SCML4: variants seen among roughly 807,000 people sequenced by gnomAD.
The protein encoded by SCML4 is Scm polycomb group protein like 4.
A neutral mutation model predicts 41.1 loss-of-function variants in SCML4; 34 were observed. The ratio of observed to expected loss-of-function variants is 0.83; its 90% CI spans 0.63 to 1.10. The LOEUF is 1.10. SCML4 is among the 50% of genes least tolerant of loss of function. The probability of loss-of-function intolerance (pLI) is 0.00; values close to 1 mark genes in which losing one functional copy is unlikely to be tolerated. For synonymous variants in SCML4, 214 were observed against 220.9 expected, an observed-to-expected ratio of 0.97 and a Z score of 0.28; for missense variants, 522 against 534.1, an observed-to-expected ratio of 0.98 and a Z score of 0.22.
chr6:107,797,435 C>CT (rs1363978483), intron 1 of SCML4, among the ~76,000 whole-genome samples: 1 of 151,944 alleles, frequency 6.6e-6, no homozygotes, highest in Non-Finnish European at 1.5e-5. Flanking sequence ...TTAATTGTTG[C>CT]TTTTACACGG....
chr6:107,769,320 T>C (rs774080684), intron 2 of SCML4, among the ~76,000 whole-genome samples: 2 of 152,200 alleles, frequency 1.3e-5, no homozygotes, highest in Non-Finnish European at 2.9e-5. Flanking sequence ...CTCTAGAGCA[T>C]TGACACCTGA....
upstream of SCML4, among the ~76,000 whole-genome samples, chr6:107,827,052 G>A (rs932615694): frequency 2.0e-4 from 30 of 150,382 alleles, no homozygotes; most frequent in Non-Finnish European, 4.3e-4. Context: ...GACAGAGCGA[G>A]ACTCCGTCTC....
the SCML4 span, among the ~76,000 whole-genome samples, chr6:107,842,595 G>C: frequency 6.6e-6 from 1 of 152,196 alleles, no homozygotes; most frequent in Non-Finnish European, 1.5e-5. Context: ...GTTTTGCCAT[G>C]CTGGCCTAGG....
At chr6:107,740,863 A>T (rs1777537200) in intron 5 of SCML4, among the ~76,000 whole-genome samples, 1 of 152,216 alleles carries the variant, frequency 6.6e-6, no homozygotes, top group South Asian at 2.1e-4. Context: ...ACTCACAGCA[A>T]GATTCATCAC....
chr6:107,713,521 C>T (rs1456980393), intron 6 of SCML4, among the ~76,000 whole-genome samples: 1 of 152,230 alleles, frequency 6.6e-6, no homozygotes, highest in Non-Finnish European at 1.5e-5. Context: ...GGCTTCCCGT[C>T]CCTCCTGGGC....
At chr6:107,744,848 G>C (rs1428508309) in intron 5 of SCML4, 101 bp downstream of exon 5, 8 of 1,005,834 alleles carry the variant, frequency 8.0e-6, no homozygotes, top group Admixed American at 5.0e-5. Context: ...TCCAGTGGCA[G>C]AACTGCCAGG....
chr6:107,752,793 CG>C (rs1318277763), intron 2 of SCML4, among the ~76,000 whole-genome samples: 1 of 151,690 alleles, frequency 6.6e-6, no homozygotes, highest in Non-Finnish European at 1.5e-5. Flanking sequence ...TAATGGCCAG[CG>C]GGGGTGGGGA....
chr6:107,794,563 G>A (rs1263086060), intron 1 of SCML4, among the ~76,000 whole-genome samples: 1 of 152,016 alleles, frequency 6.6e-6, no homozygotes, highest in Non-Finnish European at 1.5e-5. Flanking sequence ...GTATGTATAT[G>A]TGTGTGTGTC....
At chr6:107,818,640 T>C (rs1275433674) in intron 1 of SCML4, among the ~76,000 whole-genome samples, 1 of 152,194 alleles carries the variant, frequency 6.6e-6, no homozygotes, top group Non-Finnish European at 1.5e-5. Flanking sequence ...CAGAAATGGT[T>C]AGGCCCAAAG....
chr6:107,719,432 TG>T (rs1775152507), intron 6 of SCML4: 1 of 152,356 alleles, frequency 6.6e-6, no homozygotes, highest in Non-Finnish European at 1.5e-5. Flanking sequence ...GGGTCACTGG[TG>T]GAAGGATCCT....
intron 5 of SCML4, among the ~76,000 whole-genome samples, chr6:107,721,796 G>A (rs1775447182): frequency 6.6e-6 from 1 of 152,044 alleles, no homozygotes; most frequent in Non-Finnish European, 1.5e-5. Flanking sequence ...AACACATGAG[G>A]GCAGCCATCC....
intron 1 of SCML4, among the ~76,000 whole-genome samples, chr6:107,799,219 G>A (rs1782926701): frequency 6.6e-6 from 1 of 152,100 alleles, no homozygotes; most frequent in Non-Finnish European, 1.5e-5. Context: ...GTATGTTTTT[G>A]CTACATGTAT....
chr6:107,819,821 G>A (rs528283126), intron 1 of SCML4, among the ~76,000 whole-genome samples: 5 of 152,266 alleles, frequency 3.3e-5, no homozygotes, highest in South Asian at 4.1e-4. Flanking sequence ...TAGTCACCCC[G>A]GGAAATATGC....
chr6:107,841,963 C>T, the SCML4 span, among the ~76,000 whole-genome samples: 2 of 152,118 alleles, frequency 1.3e-5, no homozygotes, highest in African/African-American at 4.8e-5. Context: ...CTTCAGCTTG[C>T]TTTGGGTTTA....
intron 1 of SCML4, among the ~76,000 whole-genome samples, chr6:107,789,548 T>C (rs1782159387): frequency 6.6e-6 from 1 of 152,178 alleles, no homozygotes; most frequent in African/African-American, 2.4e-5. Flanking sequence ...TCGAGGAGCC[T>C]AGGATACATG....
At chr6:107,707,725 C>T in intron 7 of SCML4, 141 bp downstream of exon 7, 2 of 960,716 alleles carry the variant, frequency 2.1e-6, no homozygotes, top group Non-Finnish European at 3.2e-6. Context: ...TCTCTGGCTC[C>T]CTTGAGGGTG....
At chr6:107,775,990 T>C (rs112099053) in intron 1 of SCML4, among the ~76,000 whole-genome samples, 3 of 152,032 alleles carry the variant, frequency 2.0e-5, no homozygotes, top group Non-Finnish European at 2.9e-5. Context: ...TTTAAAAAAA[T>C]ATTTTTAGAA....
intron 5 of SCML4, among the ~76,000 whole-genome samples, chr6:107,744,285 G>A (rs1777858441): frequency 6.6e-6 from 1 of 152,134 alleles, no homozygotes; most frequent in African/African-American, 2.4e-5. Flanking sequence ...TGTCATGTAT[G>A]CCTGTGTGGC....
the SCML4 span, among the ~76,000 whole-genome samples, chr6:107,831,800 T>A: frequency 6.6e-6 from 1 of 152,074 alleles, no homozygotes; most frequent in African/African-American, 2.4e-5. Flanking sequence ...ACGTCTCTAA[T>A]CCCAGCATTT....
Sources: gnomAD v4.1 joint callset for allele counts (sites outside exome capture counted in the v4.1 genomes callset) on GRCh38, gnomAD v4.1.1 for gene constraint, MANE v1.5 for transcripts, NCBI Gene and HGNC (gene_info 2026-07-23, HGNC 2026-07-21) for gene names.